GABRB3: variants seen among roughly 807,000 people sequenced by gnomAD.
GABRB3 encodes the protein gamma-aminobutyric acid type A receptor subunit beta3, also known as gamma-aminobutyric acid receptor subunit beta-3.
Under a neutral mutation model 52.1 loss-of-function variants are expected in GABRB3, and 14 were observed. The observed-to-expected ratio is 0.27, with a 90% CI of 0.18 to 0.42. GABRB3 has a LOEUF of 0.42. Ranked by LOEUF, GABRB3 falls within the 10% of genes least tolerant of loss-of-function variation. The pLI, the probability that GABRB3 is intolerant of heterozygous loss-of-function variation, is 1.00. For missense variants in GABRB3, 307 were observed against 609.1 expected, an observed-to-expected ratio of 0.50 and a Z score of 5.22; for synonymous variants, 260 against 232.3, an observed-to-expected ratio of 1.12 and a Z score of -1.08.
At chr15:26,589,904 G>T (rs1891130200) in intron 4 of GABRB3, among the ~76,000 whole-genome samples, 2 of 152,160 alleles carry the variant, frequency 1.3e-5, no homozygotes, top group African/African-American at 4.8e-5. Flanking sequence ...GAAAGAGAAG[G>T]AGTTGGTTTA....
chr15:26,626,020 G>A (rs1595494236), intron 3 of GABRB3, among the ~76,000 whole-genome samples: 2 of 152,150 alleles, frequency 1.3e-5, no homozygotes, highest in Admixed American at 1.3e-4. Flanking sequence ...GCAACCCAGC[G>A]TTGAGCATGT....
chr15:26,685,195 C>T (rs373340536), intron 3 of GABRB3, among the ~76,000 whole-genome samples: 1 of 152,168 alleles, frequency 6.6e-6, no homozygotes, highest in East Asian at 1.9e-4. Context: ...GGTCACTGCC[C>T]TACTTCTCCG....
intron 3 of GABRB3, among the ~76,000 whole-genome samples, chr15:26,757,157 A>G (rs569649189): frequency 2.0e-5 from 3 of 152,272 alleles, no homozygotes; most frequent in South Asian, 4.1e-4. Context: ...TGTTTCTTAT[A>G]CCAATTTTAC....
chr15:26,630,092 C>T (rs1212829774), intron 3 of GABRB3, among the ~76,000 whole-genome samples: 1 of 152,134 alleles, frequency 6.6e-6, no homozygotes, highest in African/African-American at 2.4e-5. Flanking sequence ...CAGGGAAGGC[C>T]GCTGGGGAAG....
In GABRB3 at chr15:26,667,723, A is replaced by C. The variant is rs533664068; in HGVS notation, c.241-46189T>G. ...CCGGCAGTATCAGCGTCACCTGGGCACTTGTTAGAAATGCACATTCTTGGG... is the reference window on the plus strand; with the variant it reads ...CCGGCAGTATCAGCGTCACCTGGGCCCTTGTTAGAAATGCACATTCTTGGG... On this transcript the variant is annotated intron_variant, in intron 3 of 8. Coordinates refer to ENST00000311550, the MANE Select transcript of GABRB3 (RefSeq NM_000814.6). 2.6e-5 allele frequency among the ~76,000 whole-genome samples: 4 copies of C among 152,300 alleles called. No individual in the cohort carries two copies. The East Asian group carries it at 5.8e-4, about 22-fold the overall frequency.
chr15:26,688,039 T>C (rs577889473), intron 3 of GABRB3, among the ~76,000 whole-genome samples: 133 of 152,282 alleles, frequency 8.7e-4, no homozygotes, highest in African/African-American at 3.1e-3. Context: ...CCAAAAAGTG[T>C]AAGAAACTAA....
chr15:26,610,993 A>G (rs1202106341), intron 4 of GABRB3, among the ~76,000 whole-genome samples: 5 of 152,228 alleles, frequency 3.3e-5, no homozygotes, highest in African/African-American at 1.2e-4. Flanking sequence ...TGACTAATTT[A>G]GGCTTGTTGA....
chr15:26,732,574 T>A (rs1005855673), intron 3 of GABRB3, among the ~76,000 whole-genome samples: 46 of 150,076 alleles, frequency 3.1e-4, no homozygotes, highest in African/African-American at 9.3e-4. Context: ...CAAAAAAATT[T>A]TTTTTTTTTT....
chr15:26,716,117 A>G (rs979763053), intron 3 of GABRB3, among the ~76,000 whole-genome samples: 4 of 152,212 alleles, frequency 2.6e-5, no homozygotes, highest in Non-Finnish European at 4.4e-5. Context: ...CAAGGGAAAC[A>G]AACAGAAAAG....
intron 3 of GABRB3, among the ~76,000 whole-genome samples, chr15:26,757,581 T>A (rs936918646): frequency 6.6e-6 from 1 of 152,106 alleles, no homozygotes; most frequent in Non-Finnish European, 1.5e-5. Flanking sequence ...TATAATAGAG[T>A]TAAGCTGCCT....
chr15:26,756,055 A>C (rs2140177314), intron 3 of GABRB3, among the ~76,000 whole-genome samples: 1 of 152,342 alleles, frequency 6.6e-6, no homozygotes, highest in South Asian at 2.1e-4. Context: ...TTGTATGTAC[A>C]GTGTGTAAAT....
intron 3 of GABRB3, among the ~76,000 whole-genome samples, chr15:26,692,097 A>G (rs1370754041): frequency 6.6e-6 from 1 of 152,212 alleles, no homozygotes; most frequent in Non-Finnish European, 1.5e-5. Context: ...ATAACCCAGA[A>G]GAACATATCA....
chr15:26,766,924 T>A (rs148096677), intron 3 of GABRB3, among the ~76,000 whole-genome samples: 147 of 152,280 alleles, frequency 9.7e-4, no homozygotes, highest in African/African-American at 3.2e-3. Context: ...ACAACCTTCC[T>A]GAGGGGAAAG....
intron 3 of GABRB3, chr15:26,629,034 G>A: frequency 1.3e-6 from 2 of 1,536,152 alleles, no homozygotes; most frequent in African/African-American, 1.4e-5. Flanking sequence ...CGGTATCCCG[G>A]TGCTGAGGTC....
chr15:26,651,192 G>A (rs1475170638), intron 3 of GABRB3, among the ~76,000 whole-genome samples: 7 of 152,196 alleles, frequency 4.6e-5, no homozygotes, highest in South Asian at 2.1e-4. Context: ...ACCGGAACAC[G>A]CCACCTAGGC....
intron 3 of GABRB3, among the ~76,000 whole-genome samples, chr15:26,647,258 T>C (rs752177299): frequency 2.6e-5 from 4 of 152,278 alleles, no homozygotes; most frequent in Non-Finnish European, 5.9e-5. Flanking sequence ...TACATGTTCC[T>C]TGTCAGTTAT....
At chr15:26,585,856 T>C (rs1318573270) in intron 4 of GABRB3, among the ~76,000 whole-genome samples, 1 of 152,222 alleles carries the variant, frequency 6.6e-6, no homozygotes, top group East Asian at 1.9e-4. Flanking sequence ...TGGCATGTGT[T>C]ATGGCAGATT....
chr15:26,716,651 C>T (rs1483660312), intron 3 of GABRB3: 10 of 1,005,254 alleles, frequency 9.9e-6, no homozygotes, highest in African/African-American at 1.7e-5. Flanking sequence ...TCACTGCCAA[C>T]AGCAAGTCTC....
chr15:26,742,924 CTTTTT>C (rs779891729), intron 3 of GABRB3, among the ~76,000 whole-genome samples: 76 of 48,834 alleles, frequency 1.6e-3, no homozygotes, highest in African/African-American at 4.1e-3. Context: ...ATTAGAGATT[CTTTTT>C]TTTTTTTTTT....
Sources: gnomAD v4.1 joint callset for allele counts (sites outside exome capture counted in the v4.1 genomes callset) on GRCh38, gnomAD v4.1.1 for gene constraint, MANE v1.5 for transcripts, NCBI Gene and HGNC (gene_info 2026-07-23, HGNC 2026-07-21) for gene names.